Variants in HYDIN observed in about 807,000 individuals in gnomAD.
The protein encoded by HYDIN is HYDIN axonemal central pair apparatus protein, also known as axonemal central pair apparatus protein HYDIN.
Under a neutral mutation model 403.9 loss-of-function variants are expected in HYDIN, and 132 were observed. The observed-to-expected ratio is 0.33, with a 90% confidence interval of 0.28 to 0.38. The LOEUF is 0.38. Ranked by LOEUF, HYDIN falls within the 10% of genes least tolerant of loss-of-function variation. The pLI, the probability that HYDIN is intolerant of heterozygous loss-of-function variation, is 1.00. For missense variants in HYDIN, 2,827 were observed against 5,009.5 expected (o/e 0.56, Z 13.15); for synonymous variants, 1,202 against 1,891.7 (o/e 0.64, Z 9.46).
intron 45 of HYDIN, among the ~76,000 whole-genome samples, chr16:70,927,554 T>C (rs1334780165): frequency 1.3e-5 from 2 of 151,772 alleles, no homozygotes; most frequent in African/African-American, 4.8e-5. Flanking sequence ...GCCTACAGGG[T>C]AGCCCTGCTG....
chr16:70,944,627 C>T (rs548824698), intron 41 of HYDIN, among the ~76,000 whole-genome samples: 2 of 152,288 alleles, frequency 1.3e-5, no homozygotes, highest in South Asian at 4.2e-4. Context: ...AGGTTAAAGA[C>T]ACCACACCGC....
rs551207739 is a variant in HYDIN, at chr16:71,158,605, T to A, written c.716+3926A>T. Among the ~76,000 whole-genome samples the A allele has an allele frequency of 1.1e-4, 17 of 149,246 alleles. No homozygotes were observed. The South Asian group carries it at 3.4e-3, about 30-fold the overall frequency. On this transcript the variant is annotated intron_variant, in intron 6 of 85. Coordinates refer to ENST00000393567, the MANE Select transcript of HYDIN (RefSeq NM_001270974.2). The stretch of plus-strand genomic sequence containing the variant: ...TCTTTTTTTCATAGAAAAAAAAAAA[T>A]ACCATTGTAACAGTTTTTAATGGGT...
At chr16:71,201,779 C>A (rs566680971) in intron 1 of HYDIN, among the ~76,000 whole-genome samples, 1 of 152,302 alleles carries the variant, frequency 6.6e-6, no homozygotes, top group East Asian at 1.9e-4. Flanking sequence ...TTAGATCCAG[C>A]CACGAACTTC....
At chr16:71,123,498 AATG>A (rs1156983026) in intron 9 of HYDIN, among the ~76,000 whole-genome samples, 23 of 148,438 alleles carry the variant, frequency 1.5e-4, no homozygotes, top group Admixed American at 1.4e-3. Flanking sequence ...TGACAGAAAC[AATG>A]ATAACACATC....
chr16:71,116,357 T>C (rs915173550), intron 9 of HYDIN, among the ~76,000 whole-genome samples: 1 of 152,176 alleles, frequency 6.6e-6, no homozygotes, highest in African/African-American at 2.4e-5. Context: ...TTGTCACAAG[T>C]GGCAGGAACT....
intron 65 of HYDIN, among the ~76,000 whole-genome samples, chr16:70,871,367 C>T (rs952269174): frequency 5.3e-5 from 8 of 152,184 alleles, no homozygotes; most frequent in African/African-American, 1.9e-4. Flanking sequence ...GCAGTGAAGA[C>T]ACTGGGGTGT....
Position 70,884,091 on chromosome 16 carries a change from G to A in HYDIN, c.9808C>T (p.Pro3270Ser). 1.9e-6 allele frequency: 3 copies of A among 1,606,570 alleles called. No individual in the cohort carries two copies. Among genetic ancestry groups the A allele is most frequent in the Non-Finnish European group, 1.7e-6 (2 of 1,176,712 alleles). Reference protein sequence around the residue: ...RFAHGMFTVYPGFGSIPSGGQ... With the variant: ...RFAHGMFTVYSGFGSIPSGGQ... ...CCGGAAGGAATGGAGCCAAACCCAG[G>A]GTACACGGTGAACATGCCATGGGCG... Residue 3270 changes from proline (P) to serine (S), a missense_variant, in exon 59 of 86, where the codon CCT (proline) becomes TCT (serine). Physicochemically the swap from Pro to Ser is moderately conservative, Grantham distance 74. Transcript: ENST00000393567.
chr16:71,022,418 C>A (rs1347601592), intron 21 of HYDIN, among the ~76,000 whole-genome samples: 1 of 152,254 alleles, frequency 6.6e-6, no homozygotes, highest in South Asian at 2.1e-4. Context: ...GTTTCATCTC[C>A]GTGGCTTATG....
intron 41 of HYDIN, among the ~76,000 whole-genome samples, chr16:70,944,643 C>T (rs1006197491): frequency 1.3e-5 from 2 of 152,078 alleles, no homozygotes; most frequent in African/African-American, 2.4e-5. Flanking sequence ...ACCGCCAGGA[C>T]CAGAATACGC....
intron 1 of HYDIN, among the ~76,000 whole-genome samples, chr16:71,199,833 T>A (rs1309911627): frequency 6.6e-6 from 1 of 152,122 alleles, no homozygotes; most frequent in Non-Finnish European, 1.5e-5. Flanking sequence ...TGAAGCACAA[T>A]ACAAGTGTCA....
intron 1 of HYDIN, among the ~76,000 whole-genome samples, chr16:71,211,633 C>T (rs2088599695): frequency 8.2e-6 from 1 of 122,300 alleles, no homozygotes; most frequent in Non-Finnish European, 1.7e-5. Flanking sequence ...CAGAGTGAGA[C>T]TCCATCTCAA....
At chr16:71,004,151 C>T (rs146331380) in intron 23 of HYDIN, among the ~76,000 whole-genome samples, 369 of 151,898 alleles carry the variant, frequency 2.4e-3, no homozygotes, top group Non-Finnish European at 3.8e-3. Context: ...CCCATCTCTA[C>T]TGAACATACA....
intron 10 of HYDIN, among the ~76,000 whole-genome samples, chr16:71,114,589 C>A (rs2083947025): frequency 6.6e-6 from 1 of 151,220 alleles, no homozygotes; most frequent in South Asian, 2.1e-4. Flanking sequence ...CAGGACTTCT[C>A]AATGGACCTA....
chr16:71,052,464 A>G (rs554830595), intron 18 of HYDIN, among the ~76,000 whole-genome samples: 4 of 151,906 alleles, frequency 2.6e-5, no homozygotes, highest in Non-Finnish European at 5.9e-5. Context: ...TACTTGCATT[A>G]GATAAAAAAA....
chr16:71,227,180 A>T (rs2041072538), intron 1 of HYDIN, among the ~76,000 whole-genome samples: 1 of 151,390 alleles, frequency 6.6e-6, no homozygotes, highest in Non-Finnish European at 1.5e-5. Context: ...TATATATATG[A>T]ATGATATGGG....
chr16:71,016,088 A>G (rs2080249004), intron 23 of HYDIN, among the ~76,000 whole-genome samples: 1 of 151,734 alleles, frequency 6.6e-6, no homozygotes, highest in Admixed American at 6.6e-5. Flanking sequence ...ATGTTTTTCA[A>G]GAAAATTCTG....
chr16:71,218,006 G>A (rs946000609), intron 1 of HYDIN, among the ~76,000 whole-genome samples: 11 of 152,054 alleles, frequency 7.2e-5, no homozygotes, highest in Admixed American at 2.0e-4. Context: ...TCCCTAGAAC[G>A]CAAAGTAAAT....
intron 4 of HYDIN, among the ~76,000 whole-genome samples, chr16:71,178,722 T>C (rs1038435001): frequency 2.1e-4 from 32 of 152,268 alleles, no homozygotes; most frequent in African/African-American, 7.5e-4. Context: ...CACTACGTGT[T>C]AGGCACTGGT....
At chr16:70,837,217 G>C (rs2037488216) in intron 77 of HYDIN, among the ~76,000 whole-genome samples, 1 of 152,128 alleles carries the variant, frequency 6.6e-6, no homozygotes, top group African/African-American at 2.4e-5. Flanking sequence ...CCAGGGATCT[G>C]TGGCTGGCTG....
Sources: gnomAD v4.1 joint callset for allele counts (sites outside exome capture counted in the v4.1 genomes callset) on GRCh38, gnomAD v4.1.1 for gene constraint, MANE v1.5 for transcripts, NCBI Gene and HGNC (gene_info 2026-07-23, HGNC 2026-07-21) for gene names.